The following ZNF98 variants were observed in gnomAD, a reference collection of about 807,000 sequenced individuals.
ZNF98 encodes the protein zinc finger protein 739.
ZNF98 carries 8 observed loss-of-function variants against 12.8 expected under a neutral mutation model. That is an observed-to-expected ratio of 0.63 (90% CI 0.37 to 1.13). ZNF98 has a LOEUF of 1.13. ZNF98 is among the 50% of genes most tolerant of loss of function. The probability of loss-of-function intolerance (pLI) is 0.01; values close to 1 mark genes in which losing one functional copy is unlikely to be tolerated. For synonymous variants in ZNF98, 112 were observed against 223.5 expected, an observed-to-expected ratio of 0.50 and a Z score of 4.45; for missense variants, 379 against 666.1, an observed-to-expected ratio of 0.57 and a Z score of 4.74.
chr19:22,402,822 C>T lies in ZNF98; in HGVS notation c.220G>A (p.Val74Met), dbSNP rs1207580866. Reference protein sequence around the residue: ...CLEQGKEPWNVKRHEMVTEPP... With the variant: ...CLEQGKEPWNMKRHEMVTEPP... The stretch of plus-strand genomic sequence containing the variant: ...TCAGTTACCATCTCATGTCTCTTCA[C>T]ATTCCAAGGTTCTTTTCCTTGCTCC... The change falls in exon 3 of 4, where the codon GTG becomes ATG. Residue 74 changes from valine to methionine, a missense_variant. By Grantham distance (21) the Val-to-Met change is conservative (BLOSUM62 1). Coordinates refer to ENST00000357774, the MANE Select transcript of ZNF98 (RefSeq NM_001098626.2). The T allele has an allele frequency of 6.3e-7, 1 of 1,599,014 alleles. No individual in the cohort carries two copies. Among genetic ancestry groups the T allele is most frequent in the Non-Finnish European group, 8.5e-7 (1 of 1,175,780 alleles).
intron 3 of ZNF98, among the ~76,000 whole-genome samples, chr19:22,399,694 C>G (rs182998110): frequency 6.6e-6 from 1 of 151,982 alleles, no homozygotes; most frequent in Non-Finnish European, 1.5e-5. Context: ...TCTAAAACTA[C>G]TGACAAAATT....
At chr19:22,402,949 C>T in intron 2 of ZNF98, 65 bp from the exon 3 acceptor site, 2 of 1,468,488 alleles carry the variant, frequency 1.4e-6, no homozygotes, top group Non-Finnish European at 9.1e-7. Context: ...GTAGTGTGTT[C>T]AGTAAAAAGG....
rs531359844 is a variant in ZNF98, at chr19:22,395,702, A to G, written c.254-2721T>C. On this transcript the variant is annotated intron_variant, in intron 3 of 3. Transcript: ENST00000357774. The stretch of plus-strand genomic sequence containing the variant: ...AGGATACACACACAGATATTTAAAC[A>G]AATACATATTAAGCACATTTTCAAA... Among the ~76,000 whole-genome samples, 192 of 152,338 alleles carry G rather than the reference A, an allele frequency of 1.3e-3. 1 individual carries two copies. The highest frequency in any genetic ancestry group is 4.4e-3 in the African/African-American group (181 of 41,594).
rs576798661 is a variant in ZNF98, at chr19:22,422,161, T to C, written c.30+34A>G. The stretch of plus-strand genomic sequence containing the variant: ...CCCACCGGTTCCAACCAGCCCCTTC[T>C]CCTCTCTAGGGATGTCGGACTCGGC... On this transcript the variant is annotated intron_variant, in intron 1 of 3. Coordinates refer to ENST00000357774, the MANE Select transcript of ZNF98 (RefSeq NM_001098626.2). 9.9e-6 allele frequency: 16 copies of C among 1,612,554 alleles called. No individual in the cohort carries two copies. The Admixed American group carries it at 2.3e-4, about 24-fold the overall frequency.
chr19:22,414,232 C>CAAAAAAA (rs57966582), intron 1 of ZNF98, among the ~76,000 whole-genome samples: 78 of 89,292 alleles, frequency 8.7e-4, no homozygotes, highest in African/African-American at 1.1e-3. Context: ...GACTCCATCT[C>CAAAAAAA]AAAAAAAAAA....
intron 1 of ZNF98, among the ~76,000 whole-genome samples, chr19:22,416,863 G>A (rs1191080449): frequency 6.6e-6 from 1 of 152,112 alleles, no homozygotes; most frequent in Non-Finnish European, 1.5e-5. Flanking sequence ...TTGAAGCAAC[G>A]TGGATTAAGC....
At chr19:22,393,502 C>T (rs1193073688) in intron 3 of ZNF98, among the ~76,000 whole-genome samples, 3 of 151,770 alleles carry the variant, frequency 2.0e-5, no homozygotes, top group African/African-American at 7.3e-5. Context: ...ACCAATGGAA[C>T]AGAATAGAGA....
Position 22,422,204 on chromosome 19 carries a change from G to A in ZNF98, c.21C>T (p.Ser7=), listed in dbSNP as rs1969712450. 1 of 1,612,830 alleles carries A rather than the reference G, an allele frequency of 6.2e-7. No homozygotes were observed. The highest frequency in any genetic ancestry group is 1.1e-5 in the South Asian group (1 of 91,084). The part of the protein sequence containing the change: MPGPLG[S]LEMGVLTFRD... ...GACTCGGCACTCTCACCATTTCTAG[G>A]CTTCCAAGGGGTCCTGGCATCTTAG... Residue 7 remains serine (S), a synonymous_variant, in exon 1 of 4, where the codon AGC becomes AGT. Coordinates refer to ENST00000357774, the MANE Select transcript of ZNF98 (RefSeq NM_001098626.2).
chr19:22,415,809 C>T (rs1296971162), intron 1 of ZNF98, among the ~76,000 whole-genome samples: 2 of 150,776 alleles, frequency 1.3e-5, no homozygotes, highest in African/African-American at 2.4e-5. Flanking sequence ...AAATAAAAGG[C>T]TTAGGCCAGG....
intron 1 of ZNF98, among the ~76,000 whole-genome samples, chr19:22,421,280 T>G (rs571120448): frequency 1.2e-4 from 19 of 152,298 alleles, no homozygotes; most frequent in African/African-American, 4.1e-4. Context: ...GGAGAGGAAG[T>G]TGGCATTTGA....
Position 22,413,020 on chromosome 19 carries a change from T to C in ZNF98, c.30+9175A>G, listed in dbSNP as rs112481678. Among the ~76,000 whole-genome samples the C allele has an allele frequency of 3.3e-3, 505 of 151,712 alleles. 5 individuals carry two copies. The highest frequency in any genetic ancestry group is 0.012 in the African/African-American group (490 of 41,296). ...GTGAGCCGAGATTGCACCACTGCAC[T>C]CCAGCCTGGGTGACAGAGCGAGACT... On this transcript the variant is annotated intron_variant, in intron 1 of 3. Transcript: ENST00000357774.
Position 22,400,121 on chromosome 19 carries a change from C to A in ZNF98, c.253+2668G>T, listed in dbSNP as rs149695069. 1.7e-4 allele frequency among the ~76,000 whole-genome samples: 26 copies of A among 152,252 alleles called. No individual in the cohort carries two copies. The East Asian group carries it at 2.1e-3, about 12-fold the overall frequency. ...GTCCCACTGAGAATTCTGAACTTAC[C>A]CTGCAATCATCCCAAACTCCTCCCA... is the stretch of plus-strand genomic sequence containing the variant. On this transcript the variant is annotated intron_variant, in intron 3 of 3. Transcript: ENST00000357774.
rs1216965422 is a variant in ZNF98 at position 22,392,659 on chromosome 19, G to A, written c.576C>T (p.Cys192=). ...FKCKECEKSF[C]MLSHLAQHKR... ...TATGTTGAGCTAAGTGTGAAAGCAT[G>A]CAAAATGACTTTTCACATTCTTTAC... Residue 192 remains cysteine, a synonymous_variant, in exon 4 of 4, where the codon TGC becomes TGT. Transcript: ENST00000357774. The A allele has an allele frequency of 6.3e-7, 1 of 1,592,426 alleles. No homozygotes were observed. Among genetic ancestry groups the A allele is most frequent in the Admixed American group, 1.8e-5 (1 of 55,676 alleles).
rs545254227 is a variant in ZNF98 at position 22,399,001 on chromosome 19, A to C, written c.253+3788T>G. Among the ~76,000 whole-genome samples, 17 of 152,362 alleles carry C rather than the reference A, an allele frequency of 1.1e-4. No homozygotes were observed. In the East Asian group the frequency reaches 1.9e-3, roughly 17 times the overall value. ...ATTGTAATAGAGATAAGGCTGATTTATCTCTTAAACCCCACACCGACTTAC... is the reference window on the plus strand; with the variant it reads ...ATTGTAATAGAGATAAGGCTGATTTCTCTCTTAAACCCCACACCGACTTAC... On this transcript the variant is annotated intron_variant, in intron 3 of 3. Coordinates refer to ENST00000357774, the MANE Select transcript of ZNF98 (RefSeq NM_001098626.2).
chr19:22,407,384 G>T (rs968415936), intron 1 of ZNF98, among the ~76,000 whole-genome samples: 2 of 146,812 alleles, frequency 1.4e-5, no homozygotes, highest in African/African-American at 4.9e-5. Flanking sequence ...TCAAAAAACA[G>T]CTCCTGAATT....
chr19:22,405,136 A>G (rs75356050), intron 1 of ZNF98, among the ~76,000 whole-genome samples: 5,648 of 152,230 alleles, frequency 0.037, 356 homozygotes, highest in African/African-American at 0.13. Context: ...CCTGACTATT[A>G]TAAGAACTAA....
At chr19:22,416,666 C>T (rs11671470) in intron 1 of ZNF98, among the ~76,000 whole-genome samples, 54,213 of 151,386 alleles carry the variant, frequency 0.36, 11,028 homozygotes, top group Non-Finnish European at 0.46. Flanking sequence ...GCAGAAGAAT[C>T]GCTTGAACCC....
At chr19:22,399,911 T>C (rs746531420) in intron 3 of ZNF98, among the ~76,000 whole-genome samples, 14 of 152,166 alleles carry the variant, frequency 9.2e-5, no homozygotes, top group Non-Finnish European at 1.9e-4. Flanking sequence ...CTGGGTCATG[T>C]AGCAAGAACC....
chr19:22,417,683 G>C (rs1035079860), intron 1 of ZNF98, among the ~76,000 whole-genome samples: 10 of 152,100 alleles, frequency 6.6e-5, no homozygotes, highest in Non-Finnish European at 1.2e-4. Context: ...TGGGGGTTGG[G>C]ATATGCCAGG....
Sources: gnomAD v4.1 joint callset for allele counts (sites outside exome capture counted in the v4.1 genomes callset) on GRCh38, gnomAD v4.1.1 for gene constraint, MANE v1.5 for transcripts, NCBI Gene and HGNC (gene_info 2026-07-23, HGNC 2026-07-21) for gene names.